TPO: variants seen among roughly 807,000 people sequenced by gnomAD.
The protein encoded by TPO is thyroid peroxidase.
Under a neutral mutation model 96.9 loss-of-function variants are expected in TPO, and 78 were observed. The ratio of observed to expected loss-of-function variants is 0.81; its 90% CI spans 0.67 to 0.97. The LOEUF is 0.97. TPO is among the 50% of genes least tolerant of loss of function. The pLI, the probability that TPO is intolerant of heterozygous loss-of-function variation, is 0.00. For synonymous variants in TPO, 547 were observed against 538.0 expected, an observed-to-expected ratio of 1.02 and a Z score of -0.23; for missense variants, 1,252 against 1,274.8, an observed-to-expected ratio of 0.98 and a Z score of 0.27.
intron 5 of TPO, among the ~76,000 whole-genome samples, chr2:1,451,316 A>T (rs1667280428): frequency 1.3e-5 from 2 of 152,210 alleles, no homozygotes. Context: ...AGAACATCTA[A>T]ATCGGTCACA....
intron 14 of TPO, among the ~76,000 whole-genome samples, chr2:1,506,971 C>G (rs1301274778): frequency 1.4e-5 from 2 of 146,536 alleles, no homozygotes; most frequent in African/African-American, 5.1e-5. Flanking sequence ...TGCCTATGTC[C>G]TGAATGGTAT....
At position 1,538,724 on chromosome 2, in the gene TPO, G is replaced by A. The variant is rs536210936; in HGVS notation, c.2619-1870G>A. 1.4e-3 allele frequency among the ~76,000 whole-genome samples: 217 copies of A among 152,310 alleles called. 1 individual carries two copies. The highest frequency in any genetic ancestry group is 4.7e-3 in the African/African-American group (195 of 41,550). Reference sequence around the variant, plus strand: ...GAGTGGTGATGGTTCAGGCTGAGGAGGGCGAGGGCTGCCATAACAAAGAAC... The same window carrying A: ...GAGTGGTGATGGTTCAGGCTGAGGAAGGCGAGGGCTGCCATAACAAAGAAC... On this transcript the variant is annotated intron_variant, in intron 15 of 16. Transcript: ENST00000329066.
At chr2:1,375,857 T>TC (rs1661715136) in intron 1 of TPO, among the ~76,000 whole-genome samples, 1 of 152,288 alleles carries the variant, frequency 6.6e-6, no homozygotes, top group South Asian at 2.1e-4. Flanking sequence ...AATCTCTGAT[T>TC]CCTTTGTTTG....
intron 1 of TPO, among the ~76,000 whole-genome samples, chr2:1,384,562 G>A (rs1416923520): frequency 1.3e-5 from 2 of 152,152 alleles, no homozygotes; most frequent in African/African-American, 2.4e-5. Flanking sequence ...CATTGATTTT[G>A]TATCCTGAGA....
At chr2:1,410,757 G>A (rs759700448), upstream of TPO, among the ~76,000 whole-genome samples, 3 of 152,112 alleles carry the variant, frequency 2.0e-5, no homozygotes, top group Non-Finnish European at 2.9e-5. Context: ...CCTGCCATGT[G>A]TGAGTTGGCT....
chr2:1,460,092 T>C (rs558952178), intron 7 of TPO, among the ~76,000 whole-genome samples: 1 of 152,168 alleles, frequency 6.6e-6, no homozygotes, highest in South Asian at 2.1e-4. Context: ...TGCGCCACCA[T>C]GCCTGGCTAA....
chr2:1,504,730 A>G (rs745954141), intron 14 of TPO, among the ~76,000 whole-genome samples: 4 of 152,198 alleles, frequency 2.6e-5, no homozygotes, highest in Non-Finnish European at 4.4e-5. Flanking sequence ...TTCATTTTAT[A>G]GAAGAGGATA....
In TPO at chr2:1,493,908, G is replaced by C; in HGVS notation, c.1875G>C (p.Leu625Phe). Residue 625 changes from leucine (L) to phenylalanine (F), a missense_variant, in exon 11 of 17, where the codon TTG becomes TTC. Physicochemically the swap from Leu to Phe is conservative, Grantham distance 22. Coordinates refer to ENST00000329066, the MANE Select transcript of TPO (RefSeq NM_001206744.2). Reference protein sequence around the residue: ...SRSVADKILDLYKHPDNIDVW... With the variant: ...SRSVADKILDFYKHPDNIDVW... ...GCGTGGCCGACAAGATCCTGGACTT[G>C]TACAAGCATCCTGACAACATCGATG... 1 of 1,614,228 alleles carries C rather than the reference G, an allele frequency of 6.2e-7. No individual in the cohort carries two copies. The highest frequency in any genetic ancestry group is 8.5e-7 in the Non-Finnish European group (1 of 1,180,040).
chr2:1,437,655 AT>A (rs1665715924), intron 5 of TPO, among the ~76,000 whole-genome samples: 1 of 152,216 alleles, frequency 6.6e-6, no homozygotes, highest in Non-Finnish European at 1.5e-5. Context: ...GTTTGTTTCA[AT>A]TCTTTGAGCT....
At chr2:1,396,492 A>G (rs1385554852) in intron 1 of TPO, among the ~76,000 whole-genome samples, 2 of 152,186 alleles carry the variant, frequency 1.3e-5, no homozygotes, top group Non-Finnish European at 1.5e-5. Context: ...GTGCTCGAAT[A>G]TTTTTTGATT....
At chr2:1,414,573 A>G (rs1662693051) in intron 2 of TPO, 71 bp downstream of exon 2, 2 of 1,427,562 alleles carry the variant, frequency 1.4e-6, no homozygotes, top group Non-Finnish European at 9.8e-7. Context: ...AATAGAGGGC[A>G]TAATGGTAGC....
chr2:1,542,580 C>A lies in TPO; in HGVS notation c.*106C>A. On this transcript the variant is annotated 3_prime_UTR_variant, in exon 17 of 17. Coordinates refer to ENST00000329066, the MANE Select transcript of TPO (RefSeq NM_001206744.2). ...CGAAATCAGCAGGACGACTGTTTTC[C>A]CAACACGGGTAAATCTAGTACCATG... The A allele has an allele frequency of 6.4e-7, 1 of 1,569,548 alleles. No individual in the cohort carries two copies. The highest frequency in any genetic ancestry group is 2.3e-5 in the East Asian group (1 of 42,624).
upstream of TPO, among the ~76,000 whole-genome samples, chr2:1,409,937 CGGGGCAGGTGCGGTGG>C (rs950898800): frequency 5.1e-5 from 2 of 38,892 alleles, no homozygotes; most frequent in East Asian, 6.7e-4. Context: ...CCTAGGGTTA[CGGGGCAGGTGCGGTGG>C]GGGGCAGGTG....
chr2:1,470,213 G>T (rs918573543), intron 7 of TPO, among the ~76,000 whole-genome samples: 3 of 152,082 alleles, frequency 2.0e-5, no homozygotes, highest in African/African-American at 7.2e-5. Flanking sequence ...TTGACCTAAA[G>T]CAAGAAGCTG....
intron 1 of TPO, among the ~76,000 whole-genome samples, chr2:1,376,499 T>A (rs1661724364): frequency 6.6e-6 from 1 of 152,200 alleles, no homozygotes; most frequent in African/African-American, 2.4e-5. Flanking sequence ...AGGCGTGGTC[T>A]CAACATCACC....
rs542775892 is a variant in TPO at position 1,399,058 on chromosome 2, A to G, written n.180+24656A>G. Among the ~76,000 whole-genome samples the G allele has an allele frequency of 5.3e-5, 8 of 152,200 alleles. No homozygotes were observed. The South Asian group carries it at 1.7e-3, about 32-fold the overall frequency. ...TTCTTCCCTCTTCTGTTTCTTGGAG[A>G]CCAGCCCCACCTTCCCTGCAGGTGC... On this transcript the variant is annotated intron_variant and non_coding_transcript_variant, in intron 1 of 5. Transcript: ENST00000497517.
intron 9 of TPO, 121 bp downstream of exon 9, chr2:1,484,975 G>T (rs1459896044): frequency 6.9e-7 from 1 of 1,451,612 alleles, no homozygotes; most frequent in Admixed American, 2.0e-5. Flanking sequence ...GTTACGTAGG[G>T]TATACATGTG....
In TPO at chr2:1,441,287, T is replaced by C. The variant is rs143143419; in HGVS notation, c.482+4903T>C. Among the ~76,000 whole-genome samples, 216 of 152,328 alleles carry C rather than the reference T, an allele frequency of 1.4e-3. 1 individual carries two copies. Among genetic ancestry groups the C allele is most frequent in the Middle Eastern group, 6.8e-3 (2 of 294 alleles). Reference sequence around the variant, plus strand: ...CTTCTTGTTGGTACGGTGTGGCCAATGCTGCAGGACGTACCATGTTGGAAG... The same window carrying C: ...CTTCTTGTTGGTACGGTGTGGCCAACGCTGCAGGACGTACCATGTTGGAAG... On this transcript the variant is annotated intron_variant, in intron 5 of 16. Coordinates refer to ENST00000329066, the MANE Select transcript of TPO (RefSeq NM_001206744.2).
chr2:1,425,368 G>A (rs568118791), intron 3 of TPO, among the ~76,000 whole-genome samples: 1 of 144,274 alleles, frequency 6.9e-6, no homozygotes, highest in Admixed American at 7.1e-5. Context: ...CATTTTTCTA[G>A]ATGTCGGGAT....
Sources: gnomAD v4.1 joint callset for allele counts (sites outside exome capture counted in the v4.1 genomes callset) on GRCh38, gnomAD v4.1.1 for gene constraint, MANE v1.5 for transcripts, NCBI Gene and HGNC (gene_info 2026-07-23, HGNC 2026-07-21) for gene names.